CAB39L: variants seen among roughly 807,000 people sequenced by gnomAD.
CAB39L encodes the protein calcium-binding protein 39-like.
In CAB39L, 23 loss-of-function variants were observed where a neutral mutation model predicts 39.1. That is an observed-to-expected ratio of 0.59 (90% CI 0.42 to 0.83). The LOEUF is 0.83. CAB39L is among the 40% of genes least tolerant of loss of function. CAB39L has a pLI of 0.00. For synonymous variants in CAB39L, 126 were observed against 137.2 expected (o/e 0.92, Z 0.57); for missense variants, 366 against 391.9 (o/e 0.93, Z 0.56).
rs1451774269 is a variant in CAB39L at position 49,310,376 on chromosome 13, T to A, written c.*438A>T. The A allele has an allele frequency of 6.3e-6, 1 of 157,966 alleles. No homozygotes were observed. Among genetic ancestry groups the A allele is most frequent in the East Asian group, 1.9e-4 (1 of 5,388 alleles). The allele number at this position is 157,966 out of a possible 1,614,324, so 9.8% of individuals were successfully genotyped here. A position where few individuals can be genotyped will look rare whatever the true frequency, so the allele number is the denominator to read the frequency against. ...GACTGAAAACATTAACGTTACCTTCTGGGATCTCTCAGTGCCCTGAGCGAT... is the reference window on the plus strand; with the variant it reads ...GACTGAAAACATTAACGTTACCTTCAGGGATCTCTCAGTGCCCTGAGCGAT... On this transcript the variant is annotated 3_prime_UTR_variant, in exon 11 of 11. Transcript: ENST00000409308.
intron 1 of CAB39L, among the ~76,000 whole-genome samples, chr13:49,441,271 T>A (rs575870058): frequency 1.4e-5 from 2 of 146,792 alleles, no homozygotes; most frequent in African/African-American, 5.2e-5. Flanking sequence ...TTTATATAAC[T>A]ATATACTAAA....
chr13:49,359,808 A>C lies in CAB39L; in HGVS notation c.301T>G (p.Phe101Val), dbSNP rs1323778573. The C allele has an allele frequency of 6.2e-7, 1 of 1,611,248 alleles. No individual in the cohort carries two copies. Among genetic ancestry groups the C allele is most frequent in the Admixed American group, 1.7e-5 (1 of 59,934 alleles). Residue 101 changes from phenylalanine (F) to valine (V), a missense_variant, in exon 6 of 11, where the codon TTT (phenylalanine) becomes GTT (valine). Phe to Val is a conservative substitution (Grantham distance 50, BLOSUM62 -1). Coordinates refer to ENST00000409308, the MANE Select transcript of CAB39L (RefSeq NM_001079670.3). ...FEGKKDVTQI[F>V]NNILRRQIGT... ...ATCTGTCTTCTCAAGATGTTGTTAA[A>C]TATCTGGGTCACATCTTTTTTTCCC...
chr13:49,423,114 G>T (rs925881662), intron 3 of CAB39L, among the ~76,000 whole-genome samples: 2 of 152,182 alleles, frequency 1.3e-5, no homozygotes, highest in African/African-American at 4.8e-5. Flanking sequence ...ACTCATGAAG[G>T]ACTATACCAT....
intron 5 of CAB39L, among the ~76,000 whole-genome samples, chr13:49,370,835 A>G (rs554813617): frequency 2.0e-5 from 3 of 152,354 alleles, no homozygotes; most frequent in Admixed American, 2.0e-4. Flanking sequence ...CCCATAAATT[A>G]TATTCCTTTA....
At chr13:49,359,646 A>C (rs1356396716) in intron 6 of CAB39L, 68 bp downstream of exon 6, 1 of 798,160 alleles carries the variant, frequency 1.3e-6, no homozygotes, top group Non-Finnish European at 2.1e-6. Flanking sequence ...CTCAAATGAG[A>C]CTAATGCTAT....
chr13:49,326,114 C>T (rs1382039243), intron 10 of CAB39L, among the ~76,000 whole-genome samples: 3 of 152,200 alleles, frequency 2.0e-5, no homozygotes, highest in Non-Finnish European at 4.4e-5. Context: ...GCAAACGACA[C>T]AGACCATTTT....
At chr13:49,337,732 GCACACACACACACACACACACA>G in intron 9 of CAB39L, among the ~76,000 whole-genome samples, 1 of 144,304 alleles carries the variant, frequency 6.9e-6, no homozygotes, top group South Asian at 2.3e-4. Context: ...CTGCTCTGGC[GCACACACACACACACACACACA>G]CACACACACA....
intron 3 of CAB39L, among the ~76,000 whole-genome samples, chr13:49,394,635 G>A (rs1956567141): frequency 6.6e-6 from 1 of 152,028 alleles, no homozygotes; most frequent in South Asian, 2.1e-4. Flanking sequence ...TCTAACAGAG[G>A]GAAATAATTA....
rs751169435 is a variant in CAB39L, at chr13:49,382,856, T to C, written c.55A>G (p.Lys19Glu). 4 of 1,612,058 alleles carry C rather than the reference T, an allele frequency of 2.5e-6. No individual in the cohort carries two copies. The South Asian group carries it at 4.4e-5, about 18-fold the overall frequency. Residue 19 changes from lysine (K) to glutamate (E), a missense_variant, in exon 4 of 11, where the codon AAA becomes GAA. Physicochemically the swap from Lys to Glu is moderately conservative, Grantham distance 56. Coordinates refer to ENST00000409308, the MANE Select transcript of CAB39L (RefSeq NM_001079670.3). The stretch of plus-strand genomic sequence containing the variant: ...ATGGCCAAATTGTCTTTCAGGATTT[T>C]CACAATTTCTGCTGGATTTTTGTGT... ...KSHKNPAEIV[K>E]ILKDNLAILE...
intron 3 of CAB39L, among the ~76,000 whole-genome samples, chr13:49,415,497 G>T (rs112915873): frequency 0.059 from 8,867 of 151,042 alleles, 822 homozygotes; most frequent in African/African-American, 0.2. Context: ...CTCCAGTCTG[G>T]GTGACAGAGC....
intron 1 of CAB39L, among the ~76,000 whole-genome samples, chr13:49,437,412 C>T (rs922244752): frequency 6.6e-6 from 1 of 152,180 alleles, no homozygotes; most frequent in Non-Finnish European, 1.5e-5. Flanking sequence ...CCAAGGCACC[C>T]TCTTTCCTTT....
At chr13:49,406,049 T>G (rs933054137) in intron 3 of CAB39L, among the ~76,000 whole-genome samples, 3 of 151,844 alleles carry the variant, frequency 2.0e-5, no homozygotes, top group Non-Finnish European at 4.4e-5. Context: ...GGGATGAGTA[T>G]AAAAATATAG....
chr13:49,399,857 T>C (rs1404510222), intron 3 of CAB39L, among the ~76,000 whole-genome samples: 1 of 152,052 alleles, frequency 6.6e-6, no homozygotes, highest in East Asian at 1.9e-4. Context: ...AGTAAGTTTG[T>C]GATATTATCT....
intron 6 of CAB39L, among the ~76,000 whole-genome samples, chr13:49,356,155 G>A (rs1375756254): frequency 2.0e-5 from 3 of 152,142 alleles, no homozygotes; most frequent in Non-Finnish European, 2.9e-5. Context: ...GTCACCAACT[G>A]AACCCATTGC....
At position 49,361,427 on chromosome 13, in the gene CAB39L, G is replaced by A. The variant is rs376221686; in HGVS notation, c.277-1595C>T. 4.6e-5 allele frequency among the ~76,000 whole-genome samples: 6 copies of A among 130,700 alleles called. No homozygotes were observed. In the East Asian group the frequency reaches 6.8e-4, roughly 15 times the overall value. 85.7% of individuals were successfully genotyped at this position (130,700 alleles called of 152,430 possible). On this transcript the variant is annotated intron_variant, in intron 5 of 10. Coordinates refer to ENST00000409308, the MANE Select transcript of CAB39L (RefSeq NM_001079670.3). Reference sequence around the variant, plus strand: ...CGGGAGGCAGAGGTTGCAGTGAACCGAGATCGTGCCACTGCACTCCAGCCC... The same window carrying A: ...CGGGAGGCAGAGGTTGCAGTGAACCAAGATCGTGCCACTGCACTCCAGCCC...
At chr13:49,324,306 G>A (rs1000095124) in intron 10 of CAB39L, among the ~76,000 whole-genome samples, 4 of 151,988 alleles carry the variant, frequency 2.6e-5, no homozygotes, top group Non-Finnish European at 5.9e-5. Context: ...GACAGAGCGA[G>A]ACTCTGTCTC....
intron 6 of CAB39L, among the ~76,000 whole-genome samples, chr13:49,352,346 C>T (rs1169012021): frequency 2.0e-5 from 3 of 151,748 alleles, no homozygotes; most frequent in Non-Finnish European, 4.4e-5. Context: ...TACAACAAGC[C>T]CTGTATTGAA....
intron 5 of CAB39L, among the ~76,000 whole-genome samples, chr13:49,368,210 T>G (rs1955822225): frequency 6.6e-6 from 1 of 152,202 alleles, no homozygotes; most frequent in South Asian, 2.1e-4. Flanking sequence ...TCTGCAGAAC[T>G]CTATCCAACT....
intron 4 of CAB39L, 60 bp downstream of exon 4, chr13:49,382,740 T>C: frequency 2.0e-6 from 2 of 998,472 alleles, no homozygotes; most frequent in South Asian, 1.3e-5. Flanking sequence ...AGCTTTTACA[T>C]TGGTTTTTGG....
Sources: allele counts gnomAD v4.1 joint callset (sites outside exome capture counted in the v4.1 genomes callset), GRCh38; gene constraint gnomAD v4.1.1; transcripts MANE v1.5; gene names NCBI Gene and HGNC (gene_info 2026-07-23, HGNC 2026-07-21).